Variants in TPO observed in about 807,000 individuals in gnomAD.
The protein encoded by TPO is thyroid peroxidase.
In TPO, 78 loss-of-function variants were observed where a neutral mutation model predicts 96.9. The ratio of observed to expected loss-of-function variants is 0.81; its 90% CI spans 0.67 to 0.97. The LOEUF is 0.97. TPO is among the 50% of genes least tolerant of loss of function. The probability of loss-of-function intolerance (pLI) is 0.00; values close to 1 mark genes in which losing one functional copy is unlikely to be tolerated. For synonymous variants in TPO, 547 were observed against 538.0 expected (o/e 1.02, Z -0.23); for missense variants, 1,252 against 1,274.8 (o/e 0.98, Z 0.27).
chr2:1,505,713 T>G (rs1234301593), intron 14 of TPO, among the ~76,000 whole-genome samples: 1 of 151,976 alleles, frequency 6.6e-6, no homozygotes, highest in East Asian at 1.9e-4. Flanking sequence ...TATTGACCCA[T>G]CCTCTAAGTT....
At chr2:1,432,637 A>G (rs1665118748) in intron 3 of TPO, among the ~76,000 whole-genome samples, 1 of 95,962 alleles carries the variant, frequency 1.0e-5, no homozygotes, top group Non-Finnish European at 2.0e-5. Context: ...AGGTGAGGGG[A>G]GGCCTGCAGG....
intron 5 of TPO, among the ~76,000 whole-genome samples, chr2:1,443,947 T>C (rs375433378): frequency 2.5e-4 from 21 of 83,226 alleles, no homozygotes; most frequent in Admixed American, 4.4e-4. Context: ...CTGCAGGAGG[T>C]ACCATGTTGG....
At chr2:1,480,824 C>CTT (rs1670552338) in intron 8 of TPO, among the ~76,000 whole-genome samples, 1 of 133,650 alleles carries the variant, frequency 7.5e-6, no homozygotes, top group Non-Finnish European at 1.7e-5. Context: ...CACACCACGT[C>CTT]CCTGCTGCTG....
intron 7 of TPO, among the ~76,000 whole-genome samples, chr2:1,472,827 C>CAAAAAAAAAA (rs34064729): frequency 2.1e-5 from 1 of 48,336 alleles, no homozygotes; most frequent in Admixed American, 3.3e-4. Flanking sequence ...TGTTTGGCGG[C>CAAAAAAAAAA]AAAAAAAAAA....
intron 7 of TPO, among the ~76,000 whole-genome samples, chr2:1,463,565 C>T (rs1044797923): frequency 4.6e-5 from 7 of 152,154 alleles, no homozygotes; most frequent in African/African-American, 1.7e-4. Context: ...AACATGTTTC[C>T]AGCAACTACA....
At chr2:1,489,724 C>T (rs1056609874) in intron 10 of TPO, among the ~76,000 whole-genome samples, 13 of 152,170 alleles carry the variant, frequency 8.5e-5, no homozygotes, top group African/African-American at 2.7e-4. Flanking sequence ...AAGGGCCTAG[C>T]GGGAAGGGAA....
intron 14 of TPO, among the ~76,000 whole-genome samples, chr2:1,508,113 A>G (rs1423332387): frequency 1.3e-5 from 2 of 152,028 alleles, no homozygotes; most frequent in Non-Finnish European, 2.9e-5. Flanking sequence ...GAATTTTGTC[A>G]AAGGCCTTTT....
rs1398438940 is a variant in TPO at position 1,532,197 on chromosome 2, C to A, written c.2619-8397C>A. ...CCCACAGTGCGCAACCTCCTCAAAT[C>A]CCCCACCACTGTGAGCAACCTCCTC... On this transcript the variant is annotated intron_variant, in intron 15 of 16. Transcript: ENST00000329066. Among the ~76,000 whole-genome samples, 3 of 85,786 alleles carry A rather than the reference C, an allele frequency of 3.5e-5. No homozygotes were observed. In the East Asian group the frequency reaches 1.2e-3, roughly 34 times the overall value. 56.3% of individuals were successfully genotyped at this position (85,786 alleles called of 152,430 possible).
intron 16 of TPO, 166 bp from the exon 17 acceptor site, chr2:1,542,255 C>CAGAA (rs1436181151): frequency 7.2e-6 from 7 of 967,476 alleles, no homozygotes; most frequent in Non-Finnish European, 9.4e-6. Context: ...GTCCGGAAGC[C>CAGAA]AGAAACTTCC....
rs543921082 is a variant in TPO, at chr2:1,497,991, C to CAAA, written c.2386+1245_2386+1247dup. On this transcript the variant is annotated intron_variant, in intron 13 of 16. Coordinates refer to ENST00000329066, the MANE Select transcript of TPO (RefSeq NM_001206744.2). ...AGAAAAATAGTGAAACCCCATCTAC[C>CAAA]AAAAAAAAAAAAAAAAAAAAAGTGG... Among the ~76,000 whole-genome samples the CAAA allele has an allele frequency of 3.0e-3, 262 of 87,090 alleles. 7 individuals carry two copies. Among genetic ancestry groups the CAAA allele is most frequent in the South Asian group, 5.7e-3 (14 of 2,456 alleles). The allele number at this position is 87,090 out of a possible 152,430, so 57.1% of individuals were successfully genotyped here.
intron 15 of TPO, among the ~76,000 whole-genome samples, chr2:1,520,106 A>C (rs1210019493): frequency 6.8e-6 from 1 of 148,102 alleles, no homozygotes. Flanking sequence ...AACAGGGAAG[A>C]CCCTGGGGCT....
chr2:1,493,805 A>G lies in TPO; in HGVS notation c.1772A>G (p.Tyr591Cys). Residue 591 changes from tyrosine to cysteine, a missense_variant, in exon 11 of 17, where the codon TAC becomes TGC. By Grantham distance (194) the Tyr-to-Cys change is radical. Transcript: ENST00000329066. Reference sequence around the variant, plus strand: ...CTGCAGCCTCTCCCCTGTGCAGGTTACAATGAGTGGAGGGAGTTCTGCGGC... The same window carrying G: ...CTGCAGCCTCTCCCCTGTGCAGGTTGCAATGAGTGGAGGGAGTTCTGCGGC... ...QRGRDHGLPG[Y>C]NEWREFCGLP... The G allele has an allele frequency of 6.2e-7, 1 of 1,614,178 alleles. No homozygotes were observed. Among genetic ancestry groups the G allele is most frequent in the Non-Finnish European group, 8.5e-7 (1 of 1,180,014 alleles).
At chr2:1,412,932 G>A (rs1662508479), upstream of TPO, among the ~76,000 whole-genome samples, 1 of 152,146 alleles carries the variant, frequency 6.6e-6, no homozygotes, top group African/African-American at 2.4e-5. Context: ...GGATTGAGGG[G>A]AGAATGCATG....
chr2:1,419,743 T>G (rs1202736374), intron 2 of TPO, among the ~76,000 whole-genome samples: 2 of 152,200 alleles, frequency 1.3e-5, no homozygotes, highest in Non-Finnish European at 2.9e-5. Flanking sequence ...GTTCTTTTGC[T>G]GAGGGGCTGT....
rs1016772716 is a variant in TPO, at chr2:1,375,166, G to A, written n.180+764G>A. ...GAAGAAAATTGCATTAAATTACTTT[G>A]ACCACGCATTGCTTAGGGCTGAAAA... On this transcript the variant is annotated intron_variant and non_coding_transcript_variant, in intron 1 of 5. Coordinates refer to the TPO transcript ENST00000497517. 2.6e-5 allele frequency among the ~76,000 whole-genome samples: 4 copies of A among 152,008 alleles called. No individual in the cohort carries two copies. In the East Asian group the frequency reaches 7.8e-4, roughly 29 times the overall value.
chr2:1,482,109 G>A (rs1016068080), intron 8 of TPO, among the ~76,000 whole-genome samples: 5 of 152,214 alleles, frequency 3.3e-5, no homozygotes, highest in Non-Finnish European at 7.3e-5. Context: ...GTAGAGCAGG[G>A]TAGGTGACTT....
chr2:1,437,127 G>A (rs554824145), intron 5 of TPO, among the ~76,000 whole-genome samples: 1 of 152,180 alleles, frequency 6.6e-6, no homozygotes, highest in Non-Finnish European at 1.5e-5. Context: ...AGGATGAGTG[G>A]GCATTTCTCA....
intron 13 of TPO, among the ~76,000 whole-genome samples, chr2:1,502,217 C>G (rs1190963487): frequency 1.3e-5 from 2 of 152,088 alleles, no homozygotes; most frequent in Non-Finnish European, 2.9e-5. Flanking sequence ...TAACGGGATG[C>G]AGGAGGGGCT....
rs1670968988 is a variant in TPO, at chr2:1,484,767, C to T, written c.1510C>T (p.Leu504=). The stretch of plus-strand genomic sequence containing the variant: ...CACGATCCACCCGCTGGTGAGGAGG[C>T]TGGACGCCAGCTTCCAGGAGCACCC... ...HATIHPLVRR[L]DASFQEHPDL... is the part of the protein sequence containing the mutation. The change falls in exon 9 of 17, where the codon CTG becomes TTG. Residue 504 remains leucine (L), a synonymous_variant. Transcript: ENST00000329066. 1 of 1,613,990 alleles carries T rather than the reference C, an allele frequency of 6.2e-7. No homozygotes were observed.
Sources: gnomAD v4.1 joint callset for allele counts (sites outside exome capture counted in the v4.1 genomes callset) on GRCh38, gnomAD v4.1.1 for gene constraint, MANE v1.5 for transcripts, NCBI Gene and HGNC (gene_info 2026-07-23, HGNC 2026-07-21) for gene names.